The following LRRN2 variants were observed in gnomAD, a reference collection of about 807,000 sequenced individuals.
LRRN2 encodes the protein leucine rich repeat neuronal 2.
In LRRN2, 10 loss-of-function variants were observed where a neutral mutation model predicts 35.7. That is an observed-to-expected ratio of 0.28 (90% CI 0.17 to 0.47). The LOEUF (loss-of-function observed/expected upper bound fraction) is 0.47. Ranked by LOEUF, LRRN2 falls within the 20% of genes least tolerant of loss-of-function variation. The pLI, the probability that LRRN2 is intolerant of heterozygous loss-of-function variation, is 0.99. For synonymous variants in LRRN2, 391 were observed against 409.6 expected (o/e 0.95, Z 0.55); for missense variants, 731 against 940.3 (o/e 0.78, Z 2.91).
At chr1:204,658,320 C>A (rs1468404629) in intron 1 of LRRN2, among the ~76,000 whole-genome samples, 1 of 152,162 alleles carries the variant, frequency 6.6e-6, no homozygotes, top group Non-Finnish European at 1.5e-5. Context: ...CAGGGCTTAA[C>A]TGAGAGGAAG....
Position 204,619,927 on chromosome 1 carries a change from C to T in LRRN2, c.66G>A (p.Val22=). ...WVAGATAAVP[V]VPWHVPCPPQ... ...GGGGGCAGGGAACATGCCAGGGTAC[C>T]ACGGGCACAGCGGCAGTGGCACCAG... is the stretch of plus-strand genomic sequence containing the variant. The change falls in exon 2 of 2, where the codon GTG becomes GTA. Residue 22 remains valine, a synonymous_variant. Coordinates refer to ENST00000367177, the MANE Select transcript of LRRN2 (RefSeq NM_201630.2). The T allele has an allele frequency of 6.2e-7, 1 of 1,613,688 alleles. No homozygotes were observed. The highest frequency in any genetic ancestry group is 1.1e-5 in the South Asian group (1 of 91,042).
chr1:204,626,144 C>A (rs1204639708), intron 1 of LRRN2, among the ~76,000 whole-genome samples: 1 of 152,138 alleles, frequency 6.6e-6, no homozygotes, highest in African/African-American at 2.4e-5. Flanking sequence ...AGGCTCCTCC[C>A]ATTCTGCTTG....
At chr1:204,631,256 CTA>C (rs1162626713) in intron 1 of LRRN2, among the ~76,000 whole-genome samples, 67 of 36,902 alleles carry the variant, frequency 1.8e-3, no homozygotes, top group Middle Eastern at 0.014. Flanking sequence ...CTAGAGTGTT[CTA>C]TATATATATA....
intron 1 of LRRN2, among the ~76,000 whole-genome samples, chr1:204,631,884 G>A (rs775755956): frequency 6.6e-6 from 1 of 152,146 alleles, no homozygotes; most frequent in Non-Finnish European, 1.5e-5. Flanking sequence ...GAGGCAGAAT[G>A]GTCTGGACAC....
At chr1:204,679,188 G>A (rs937737271) in intron 1 of LRRN2, among the ~76,000 whole-genome samples, 10 of 152,308 alleles carry the variant, frequency 6.6e-5, no homozygotes, top group Non-Finnish European at 1.3e-4. Context: ...AGCCCCAGCA[G>A]AAGGCAGGGG....
chr1:204,628,581 GTACTA>G, intron 1 of LRRN2: 1 of 152,252 alleles, frequency 6.6e-6, no homozygotes, highest in Non-Finnish European at 1.5e-5. Flanking sequence ...GACCATCTTT[GTACTA>G]GGCCAGCCTG....
At chr1:204,664,400 G>A (rs556261613) in intron 1 of LRRN2, 1 of 152,626 alleles carries the variant, frequency 6.6e-6, no homozygotes, top group Non-Finnish European at 1.5e-5. Flanking sequence ...TGCCTTGCCT[G>A]ACCTCCTGAG....
At chr1:204,652,654 C>G (rs1370068668) in intron 1 of LRRN2, among the ~76,000 whole-genome samples, 1 of 152,108 alleles carries the variant, frequency 6.6e-6, no homozygotes, top group Non-Finnish European at 1.5e-5. Context: ...ACCTCCCATC[C>G]TGGATCCCAG....
At position 204,620,333 on chromosome 1, in the gene LRRN2, C is replaced by T. The variant is rs187390338; in HGVS notation, c.-226-115G>A. On this transcript the variant is annotated intron_variant, in intron 1 of 1. Coordinates refer to ENST00000367177, the MANE Select transcript of LRRN2 (RefSeq NM_201630.2). ...TTCTGTCACCCAGGCTGGAGTGCAG[C>T]GGTGCACTCAGCTGACTGCATCCTC... The T allele has an allele frequency of 3.4e-3, 2,016 of 593,956 alleles. 12 individuals are homozygous for T. The highest frequency in any genetic ancestry group is 4.5e-3 in the Non-Finnish European group (1,793 of 402,272). 36.8% of individuals were successfully genotyped at this position (593,956 alleles called of 1,614,324 possible). A position where few individuals can be genotyped will look rare whatever the true frequency, so the allele number is the denominator to read the frequency against.
intron 1 of LRRN2, among the ~76,000 whole-genome samples, chr1:204,641,972 AGT>A (rs1468322949): frequency 6.6e-6 from 1 of 152,038 alleles, no homozygotes; most frequent in Non-Finnish European, 1.5e-5. Context: ...GGTGTGGAAG[AGT>A]GTGTGTGTTG....
At chr1:204,646,104 G>A (rs61817513) in intron 1 of LRRN2, among the ~76,000 whole-genome samples, 15,406 of 152,036 alleles carry the variant, frequency 0.1, 904 homozygotes, top group East Asian at 0.26. Flanking sequence ...GAGGGGGACC[G>A]GAGGAAAAAG....
intron 1 of LRRN2, among the ~76,000 whole-genome samples, chr1:204,640,740 A>G (rs1387433356): frequency 1.3e-5 from 2 of 152,142 alleles, no homozygotes; most frequent in Non-Finnish European, 2.9e-5. Flanking sequence ...TCCCACTGGC[A>G]GAGACTGAGC....
intron 1 of LRRN2, among the ~76,000 whole-genome samples, chr1:204,671,905 G>A (rs1365676137): frequency 6.6e-6 from 1 of 152,204 alleles, no homozygotes; most frequent in African/African-American, 2.4e-5. Flanking sequence ...GTGAGTGGCT[G>A]AGATAGGTGA....
chr1:204,631,336 G>A (rs1667699891), intron 1 of LRRN2, among the ~76,000 whole-genome samples: 1 of 121,294 alleles, frequency 8.2e-6, no homozygotes, highest in Non-Finnish European at 1.7e-5. Flanking sequence ...AGATTAGGTT[G>A]GGTTTTCAAG....
intron 1 of LRRN2, among the ~76,000 whole-genome samples, chr1:204,672,155 TGAA>T (rs377687747): frequency 7.4e-4 from 112 of 152,312 alleles, no homozygotes; most frequent in African/African-American, 2.5e-3. Flanking sequence ...CTCTTGCACA[TGAA>T]GTAGCCCCTC....
intron 1 of LRRN2, among the ~76,000 whole-genome samples, chr1:204,644,986 C>T (rs1571656804): frequency 6.6e-6 from 1 of 152,344 alleles, no homozygotes; most frequent in East Asian, 1.9e-4. Context: ...CTGGATTCCA[C>T]ACCTATCTAC....
intron 1 of LRRN2, among the ~76,000 whole-genome samples, chr1:204,667,372 T>C (rs1668595666): frequency 6.6e-6 from 1 of 152,216 alleles, no homozygotes; most frequent in Admixed American, 6.5e-5. Flanking sequence ...CCATACTTTT[T>C]TTAAAAGGTT....
intron 1 of LRRN2, among the ~76,000 whole-genome samples, chr1:204,653,086 C>G (rs880497): frequency 0.7 from 105,971 of 152,146 alleles, 37,127 homozygotes; most frequent in East Asian, 0.91. Flanking sequence ...CAGAGTCCCA[C>G]AGCAGGGAAG....
rs1318090805 is a variant in LRRN2, at chr1:204,620,163, C to T, written c.-171G>A. The T allele has an allele frequency of 4.8e-6, 7 of 1,451,588 alleles. No homozygotes were observed. The East Asian group carries it at 1.0e-4, about 21-fold the overall frequency. The allele number at this position is 1,451,588 out of a possible 1,614,324, so 89.9% of individuals were successfully genotyped here. On this transcript the variant is annotated 5_prime_UTR_variant, in exon 2 of 2. Transcript: ENST00000367177. Reference sequence around the variant, plus strand: ...GCCCTCCTCAATATGCCTTCTCTTCCTTGTCCTCTGGGGCTGGGCCTGCTC... The same window carrying T: ...GCCCTCCTCAATATGCCTTCTCTTCTTTGTCCTCTGGGGCTGGGCCTGCTC...
Sources: gnomAD v4.1 joint callset for allele counts (sites outside exome capture counted in the v4.1 genomes callset) on GRCh38, gnomAD v4.1.1 for gene constraint, MANE v1.5 for transcripts, NCBI Gene and HGNC (gene_info 2026-07-23, HGNC 2026-07-21) for gene names.